Variants in WIPF2 observed in about 807,000 individuals in gnomAD.
WIPF2 encodes WAS/WASL interacting protein family member 2.
Under a neutral mutation model 38.8 loss-of-function variants are expected in WIPF2, and 23 were observed. The observed-to-expected ratio is 0.59, with a 90% CI of 0.43 to 0.84. The LOEUF is 0.84. Among genes scored for constraint, WIPF2 ranks in the 40% least tolerant of loss-of-function variants. The pLI is 0.00. For synonymous variants in WIPF2, 210 were observed against 223.2 expected, an observed-to-expected ratio of 0.94 and a Z score of 0.53; for missense variants, 574 against 580.5, an observed-to-expected ratio of 0.99 and a Z score of 0.11.
intron 5 of WIPF2, among the ~76,000 whole-genome samples, chr17:40,268,752 G>C (rs2032164282): frequency 1.3e-5 from 2 of 152,094 alleles, no homozygotes; most frequent in South Asian, 4.1e-4. Context: ...TCTTAAGAGT[G>C]ATAAACCAGA....
In WIPF2 at chr17:40,256,532, C is replaced by A. The variant is rs2031736752; in HGVS notation, c.63+10C>A. On this transcript the variant is annotated intron_variant, in intron 2 of 7. Transcript: ENST00000323571. ...TCCCACATTTCATCAGGTAGGTAGT[C>A]CTTCCATTAGGCTATCTCAAAACCT... is the stretch of plus-strand genomic sequence containing the variant. 1 of 1,599,828 alleles carries A rather than the reference C, an allele frequency of 6.3e-7. No homozygotes were observed. Among genetic ancestry groups the A allele is most frequent in the Non-Finnish European group, 8.5e-7 (1 of 1,174,600 alleles).
chr17:40,264,326 CAAAAAAAAAA>C lies in WIPF2; in HGVS notation c.314-146_314-137del, dbSNP rs772320240. 3.1e-3 allele frequency among the ~76,000 whole-genome samples: 74 copies of C among 23,960 alleles called. 1 individual carries two copies. The highest frequency in any genetic ancestry group is 8.2e-3 in the African/African-American group (63 of 7,716). 15.7% of individuals were successfully genotyped at this position (23,960 alleles called of 152,430 possible). On this transcript the variant is annotated intron_variant, in intron 4 of 7. Transcript: ENST00000323571. ...AGGCAACAACAGCGAAACTTCGTCT[CAAAAAAAAAA>C]AAAAAAAAAAAAAAAAAGAAAAACA...
intron 1 of WIPF2, among the ~76,000 whole-genome samples, chr17:40,224,591 TCA>T (rs2030402887): frequency 6.6e-6 from 1 of 151,796 alleles, no homozygotes; most frequent in Non-Finnish European, 1.5e-5. Flanking sequence ...TCCTATCCTG[TCA>T]CAGTTTTCCG....
At position 40,277,115 on chromosome 17, in the gene WIPF2, G is replaced by C. The variant is rs546339775; in HGVS notation, c.1213G>C (p.Val405Leu). The C allele has an allele frequency of 1.2e-6, 2 of 1,613,464 alleles. No individual in the cohort carries two copies. The highest frequency in any genetic ancestry group is 1.7e-5 in the Admixed American group (1 of 59,892). ...TGAGTCAAAGTATTCCTTCCATCCA[G>C]TAGAAGACTTTCCTGCTCCAGAAGA... ...DFESKYSFHP[V>L]EDFPAPEEYK... is the part of the protein sequence containing the mutation. The change falls in exon 7 of 8, where the codon GTA (valine) becomes CTA (leucine). Residue 405 changes from valine to leucine, a missense_variant. Val to Leu is a conservative substitution (Grantham distance 32). Coordinates refer to ENST00000323571, the MANE Select transcript of WIPF2 (RefSeq NM_133264.5).
chr17:40,237,856 C>T (rs183896709), intron 1 of WIPF2, among the ~76,000 whole-genome samples: 2 of 138,364 alleles, frequency 1.4e-5, no homozygotes, highest in East Asian at 2.1e-4. Context: ...CTGTTGGTCA[C>T]GGTGGTCTCA....
At position 40,263,547 on chromosome 17, in the gene WIPF2, C is replaced by A. The variant is rs1027804292; in HGVS notation, c.313+906C>A. Among the ~76,000 whole-genome samples, 10 of 53,938 alleles carry A rather than the reference C, an allele frequency of 1.9e-4. 1 individual carries two copies. The highest frequency in any genetic ancestry group is 7.9e-4 in the African/African-American group (5 of 6,314). 35.4% of individuals were successfully genotyped at this position (53,938 alleles called of 152,430 possible). On this transcript the variant is annotated intron_variant, in intron 4 of 7. Coordinates refer to ENST00000323571, the MANE Select transcript of WIPF2 (RefSeq NM_133264.5). ...ATTTTATTTTATTTTATTTATTCGT[C>A]CCCCCCCCCCCCGCAAATGGAGTCT...
chr17:40,247,705 A>G (rs1420645416), intron 1 of WIPF2, among the ~76,000 whole-genome samples: 1 of 151,822 alleles, frequency 6.6e-6, no homozygotes, highest in Non-Finnish European at 1.5e-5. Flanking sequence ...TATTTTTAGT[A>G]GAGATGGGGT....
chr17:40,271,505 T>TAA (rs915657619), intron 5 of WIPF2, among the ~76,000 whole-genome samples: 7 of 142,122 alleles, frequency 4.9e-5, no homozygotes, highest in African/African-American at 1.3e-4. Context: ...CCCTGTCTCT[T>TAA]AAAAAAAAAA....
intron 1 of WIPF2, among the ~76,000 whole-genome samples, chr17:40,234,438 AAC>A (rs2030875494): frequency 6.6e-6 from 1 of 151,800 alleles, no homozygotes; most frequent in East Asian, 1.9e-4. Context: ...TCTCAAAACA[AAC>A]AAACAAACAA....
At chr17:40,263,546 TCCCC>T (rs71152659) in intron 4 of WIPF2, among the ~76,000 whole-genome samples, 2,989 of 86,004 alleles carry the variant, frequency 0.035, 198 homozygotes, top group African/African-American at 0.13. Context: ...TATTTATTCG[TCCCC>T]CCCCCCCCCG....
intron 2 of WIPF2, among the ~76,000 whole-genome samples, chr17:40,257,127 C>T (rs151118689): frequency 6.5e-4 from 99 of 152,102 alleles, no homozygotes; most frequent in African/African-American, 2.0e-3. Context: ...TACAGGCACG[C>T]GCCACCACGC....
chr17:40,232,898 A>G (rs1289915346), intron 1 of WIPF2, among the ~76,000 whole-genome samples: 2 of 152,140 alleles, frequency 1.3e-5, no homozygotes, highest in African/African-American at 2.4e-5. Context: ...TCGGCCTCCC[A>G]AAGTGCTGGT....
chr17:40,267,959 A>G (rs1042237390), intron 5 of WIPF2, among the ~76,000 whole-genome samples: 3 of 152,174 alleles, frequency 2.0e-5, no homozygotes, highest in African/African-American at 4.8e-5. Context: ...CCTGGGCAAC[A>G]TGGCAAAACC....
At chr17:40,242,746 C>T (rs150337222) in intron 1 of WIPF2, among the ~76,000 whole-genome samples, 90 of 152,226 alleles carry the variant, frequency 5.9e-4, no homozygotes, top group African/African-American at 2.1e-3. Context: ...AAAGCTACAT[C>T]GAAAGTGTTA....
At chr17:40,257,996 C>T (rs1223289159) in intron 2 of WIPF2, among the ~76,000 whole-genome samples, 2 of 152,182 alleles carry the variant, frequency 1.3e-5, no homozygotes, top group African/African-American at 2.4e-5. Flanking sequence ...CTACCCACTT[C>T]TGTTTGTTTT....
intron 1 of WIPF2, among the ~76,000 whole-genome samples, chr17:40,222,853 T>TA (rs1280460395): frequency 4.0e-5 from 6 of 148,922 alleles, no homozygotes; most frequent in African/African-American, 1.5e-4. Context: ...TGTATTTTAG[T>TA]AGAGATGGGG....
intron 6 of WIPF2, 54 bp from the exon 7 acceptor site, chr17:40,277,029 C>A: frequency 2.0e-6 from 3 of 1,471,616 alleles, no homozygotes; most frequent in Non-Finnish European, 1.9e-6. Context: ...CGATCAGAGG[C>A]CTGTGGGAGC....
At chr17:40,269,770 A>G (rs2032194820) in intron 5 of WIPF2, among the ~76,000 whole-genome samples, 1 of 149,700 alleles carries the variant, frequency 6.7e-6, no homozygotes, top group South Asian at 2.1e-4. Context: ...ATACCCGACT[A>G]ATTTTTTTGT....
intron 1 of WIPF2, among the ~76,000 whole-genome samples, chr17:40,223,935 A>G (rs2030363401): frequency 6.6e-6 from 1 of 151,772 alleles, no homozygotes; most frequent in African/African-American, 2.4e-5. Context: ...TGATTGGGAG[A>G]GTAACCTGGT....
Sources: allele counts gnomAD v4.1 joint callset (sites outside exome capture counted in the v4.1 genomes callset), GRCh38; gene constraint gnomAD v4.1.1; transcripts MANE v1.5; gene names NCBI Gene and HGNC (gene_info 2026-07-23, HGNC 2026-07-21).